The following NFATC2 variants were observed in gnomAD, a reference collection of about 807,000 sequenced individuals.
The protein encoded by NFATC2 is nuclear factor of activated T-cells, cytoplasmic 2.
A neutral mutation model predicts 87.3 loss-of-function variants in NFATC2; 22 were observed. The observed-to-expected ratio is 0.25, with a 90% CI of 0.18 to 0.36. NFATC2 has a LOEUF of 0.36. NFATC2 is among the 10% of genes least tolerant of loss of function. The probability of loss-of-function intolerance (pLI) is 1.00; values close to 1 mark genes in which losing one functional copy is unlikely to be tolerated. For synonymous variants in NFATC2, 565 were observed against 542.2 expected (o/e 1.04, Z -0.58); for missense variants, 1,149 against 1,259.1 (o/e 0.91, Z 1.32).
At chr20:51,561,492 C>A (rs62228277) in intron 1 of NFATC2, among the ~76,000 whole-genome samples, 4,351 of 88,430 alleles carry the variant, frequency 0.049, 74 homozygotes, top group East Asian at 0.068. Flanking sequence ...AGAAAGCAAG[C>A]AAGCAAGCAA....
At chr20:51,444,848 GC>G (rs773149975) in intron 6 of NFATC2, among the ~76,000 whole-genome samples, 1 of 151,966 alleles carries the variant, frequency 6.6e-6, no homozygotes, top group Non-Finnish European at 1.5e-5. Flanking sequence ...TTCAGGAATG[GC>G]CCCCCCAGCT....
At chr20:51,398,945 A>C in intron 9 of NFATC2, 1 of 545,348 alleles carries the variant, frequency 1.8e-6, no homozygotes, top group Non-Finnish European at 3.3e-6. Context: ...ACTCTGTGCA[A>C]AGTGCATTAC....
At chr20:51,515,667 T>C (rs1331891738) in intron 3 of NFATC2, among the ~76,000 whole-genome samples, 1 of 147,066 alleles carries the variant, frequency 6.8e-6, no homozygotes, top group Non-Finnish European at 1.5e-5. Flanking sequence ...GATTCCAAGA[T>C]GGCTATGGTG....
intron 9 of NFATC2, among the ~76,000 whole-genome samples, chr20:51,430,119 C>T: frequency 6.6e-6 from 1 of 152,174 alleles, no homozygotes; most frequent in Non-Finnish European, 1.5e-5. Context: ...AGGCACTCAC[C>T]ATTTGCCTTT....
In NFATC2 at chr20:51,397,189, T is replaced by C. The variant is rs1247530344; in HGVS notation, c.*44+1454A>G. On this transcript the variant is annotated intron_variant, in intron 10 of 10. Transcript: ENST00000371564. The stretch of plus-strand genomic sequence containing the variant: ...GCCACCATGCCCAGCCCTTCCCCTC[T>C]GACTTCTTCTGTCTCAAAACTGAAA... Among the ~76,000 whole-genome samples, 4 of 152,142 alleles carry C rather than the reference T, an allele frequency of 2.6e-5. No homozygotes were observed. In the South Asian group the frequency reaches 6.2e-4, roughly 24 times the overall value.
chr20:51,392,241 G>A (rs1986446004), intron 10 of NFATC2, among the ~76,000 whole-genome samples: 1 of 152,192 alleles, frequency 6.6e-6, no homozygotes, highest in South Asian at 2.1e-4. Flanking sequence ...AGACTGACTA[G>A]CCATCAACAT....
upstream of NFATC2, chr20:51,542,731 T>C (rs1266650537): frequency 5.0e-6 from 3 of 599,624 alleles, no homozygotes; most frequent in African/African-American, 2.7e-5. Flanking sequence ...CGGAGGCACC[T>C]GTTGCAGCCC....
At chr20:51,442,835 C>G (rs1568984197) in intron 6 of NFATC2, among the ~76,000 whole-genome samples, 1 of 151,966 alleles carries the variant, frequency 6.6e-6, no homozygotes. Flanking sequence ...TGACTCAGCT[C>G]CGGCACAGCT....
chr20:51,477,580 T>TATAA (rs1491275592), intron 3 of NFATC2, among the ~76,000 whole-genome samples: 783 of 69,528 alleles, frequency 0.011, 2 homozygotes, highest in Non-Finnish European at 0.016. Context: ...TATATATATA[T>TATAA]AAAATAACAA....
rs780883657 is a variant in NFATC2, at chr20:51,474,102, C to T, written c.1586G>A (p.Arg529Gln). ...TCTTCCAATGTCCGTCTCGCCTTTCCGCAGCTCAATGTCGGCGTTTCTAAG... is the reference window on the plus strand; with the variant it reads ...TCTTCCAATGTCCGTCTCGCCTTTCTGCAGCTCAATGTCGGCGTTTCTAAG... ...LKLRNADIEL[R>Q]KGETDIGRKN... Residue 529 changes from arginine (R) to glutamine (Q), a missense_variant, in exon 5 of 11, where the codon CGG becomes CAG. This residue lies in a region of NFATC2 where 581 missense variants were observed against 649.7 expected (regional missense o/e 0.89). Coordinates refer to ENST00000371564, the MANE Select transcript of NFATC2 (RefSeq NM_012340.5). 1.2e-6 allele frequency: 2 copies of T among 1,614,208 alleles called. No homozygotes were observed. The highest frequency in any genetic ancestry group is 1.7e-6 in the Non-Finnish European group (2 of 1,180,040).
chr20:51,483,663 G>A (rs1343416271), intron 3 of NFATC2, among the ~76,000 whole-genome samples: 1 of 126,714 alleles, frequency 7.9e-6, no homozygotes, highest in African/African-American at 3.0e-5. Flanking sequence ...GGCACACTTC[G>A]TCCATGACTT....
At chr20:51,470,598 C>T (rs1194049590) in intron 5 of NFATC2, among the ~76,000 whole-genome samples, 2 of 152,138 alleles carry the variant, frequency 1.3e-5, no homozygotes, top group South Asian at 2.1e-4. Context: ...TACTAGCCCA[C>T]GAAGTGTTTT....
At chr20:51,438,413 T>C (rs923782767) in intron 6 of NFATC2, among the ~76,000 whole-genome samples, 4 of 150,728 alleles carry the variant, frequency 2.7e-5, no homozygotes, top group South Asian at 4.2e-4. Context: ...AACAGCATCA[T>C]TTCTTTTTCC....
intron 3 of NFATC2, among the ~76,000 whole-genome samples, chr20:51,514,474 T>C (rs1478547510): frequency 6.6e-6 from 1 of 152,220 alleles, no homozygotes; most frequent in Non-Finnish European, 1.5e-5. Flanking sequence ...ACAAAGCTCA[T>C]GGTCTAAGAG....
chr20:51,464,128 T>C (rs1987431118), intron 5 of NFATC2, among the ~76,000 whole-genome samples: 1 of 152,182 alleles, frequency 6.6e-6, no homozygotes, highest in South Asian at 2.1e-4. Context: ...TGCCTGGGTT[T>C]CAGACTCCTG....
chr20:51,498,847 TAGG>T (rs1463548711), intron 3 of NFATC2, among the ~76,000 whole-genome samples: 1 of 152,056 alleles, frequency 6.6e-6, no homozygotes, highest in Non-Finnish European at 1.5e-5. Flanking sequence ...TCTATTTTGG[TAGG>T]AGAATCAGGG....
Position 51,391,257 on chromosome 20 carries a change from G to A in NFATC2, c.*239C>T. The A allele has an allele frequency of 2.3e-6, 2 of 876,714 alleles. No individual in the cohort carries two copies. Among genetic ancestry groups the A allele is most frequent in the South Asian group, 2.7e-5 (2 of 75,330 alleles). The allele number at this position is 876,714 out of a possible 1,614,324, so 54.3% of individuals were successfully genotyped here. On this transcript the variant is annotated 3_prime_UTR_variant, in exon 11 of 11. Coordinates refer to ENST00000371564, the MANE Select transcript of NFATC2 (RefSeq NM_012340.5). ...GGGAGGTGGCGAGCTCCTTAAGTGAGAGTCCGCTTAGTGCCCATACATTGA... is the reference window on the plus strand; with the variant it reads ...GGGAGGTGGCGAGCTCCTTAAGTGAAAGTCCGCTTAGTGCCCATACATTGA...
At chr20:51,529,684 C>A (rs1479289699) in intron 1 of NFATC2, among the ~76,000 whole-genome samples, 5 of 152,218 alleles carry the variant, frequency 3.3e-5, no homozygotes, top group Non-Finnish European at 1.5e-5. Flanking sequence ...CTTGCACGAT[C>A]TTTGCTCTAT....
intron 6 of NFATC2, among the ~76,000 whole-genome samples, chr20:51,438,438 G>C (rs1045528099): frequency 2.7e-5 from 2 of 75,156 alleles, no homozygotes; most frequent in East Asian, 4.4e-4. Context: ...ATATGAGCTT[G>C]CTTTGAAAAA....
Sources: gnomAD v4.1 joint callset for allele counts (sites outside exome capture counted in the v4.1 genomes callset) on GRCh38, gnomAD v4.1.1 for gene constraint, gnomAD v4.1.1 regional missense constraint, MANE v1.5 for transcripts, NCBI Gene and HGNC (gene_info 2026-07-23, HGNC 2026-07-21) for gene names.